Variants in CA12 observed in about 807,000 individuals in gnomAD.
The protein encoded by CA12 is carbonic anhydrase 12, also known as carbonate dehydratase XII.
CA12 carries 36 observed loss-of-function variants against 46.8 expected under a neutral mutation model. The ratio of observed to expected loss-of-function variants is 0.77; its 90% CI spans 0.59 to 1.02. The LOEUF (loss-of-function observed/expected upper bound fraction) is 1.02. CA12 is among the 50% of genes least tolerant of loss of function. The probability of loss-of-function intolerance (pLI) is 0.00; values close to 1 mark genes in which losing one functional copy is unlikely to be tolerated. For synonymous variants in CA12, 202 were observed against 187.0 expected, an observed-to-expected ratio of 1.08 and a Z score of -0.65; for missense variants, 436 against 451.4, an observed-to-expected ratio of 0.97 and a Z score of 0.31.
intron 1 of CA12, 134 bp downstream of exon 1, chr15:63,381,502 T>C (rs990350133): frequency 2.6e-6 from 2 of 765,044 alleles, no homozygotes; most frequent in Non-Finnish European, 4.4e-6. Flanking sequence ...CATCCTTTCT[T>C]GAGAATCTAC....
rs539589576 is a variant in CA12 at position 63,373,473 on chromosome 15, A to G, written c.106+2185T>C. ...GAGAGATAGGGATAGAGGACCCCGT[A>G]GAGATGTGATCTGTGTTTCTATCAT... On this transcript the variant is annotated intron_variant, in intron 2 of 10. Coordinates refer to ENST00000178638, the MANE Select transcript of CA12 (RefSeq NM_001218.5). This position sits in a 1 kb window ranked among gnomAD's most constrained non-coding sequence, Gnocchi z 4.9. Among the ~76,000 whole-genome samples the G allele has an allele frequency of 5.9e-5, 9 of 152,292 alleles. No individual in the cohort carries two copies. Among genetic ancestry groups the G allele is most frequent in the East Asian group, 5.8e-4 (3 of 5,180 alleles).
At chr15:63,362,158 C>A (rs773514238) in intron 2 of CA12, among the ~76,000 whole-genome samples, 2 of 152,116 alleles carry the variant, frequency 1.3e-5, no homozygotes, top group Non-Finnish European at 2.9e-5. Flanking sequence ...TAGCTGTGTT[C>A]CAAAGAAATT....
chr15:63,325,684 C>T lies in CA12; in HGVS notation c.*601G>A. The T allele has an allele frequency of 6.0e-6, 1 of 167,506 alleles. No homozygotes were observed. Among genetic ancestry groups the T allele is most frequent in the Non-Finnish European group, 1.3e-5 (1 of 75,904 alleles). The allele number at this position is 167,506 out of a possible 1,614,324, so 10.4% of individuals were successfully genotyped here. Reference sequence around the variant, plus strand: ...CCAGAGGACAGGACTGTGAAAGTGTCCCTAATATATCACAATGTATATCTC... The same window carrying T: ...CCAGAGGACAGGACTGTGAAAGTGTTCCTAATATATCACAATGTATATCTC... On this transcript the variant is annotated 3_prime_UTR_variant, in exon 11 of 11. Coordinates refer to ENST00000178638, the MANE Select transcript of CA12 (RefSeq NM_001218.5). The surrounding 1 kb of genome is among the most constrained non-coding windows in gnomAD (Gnocchi z 4.9).
At position 63,345,759 on chromosome 15, in the gene CA12, G is replaced by C; in HGVS notation, c.287-140C>G. Reference sequence around the variant, plus strand: ...GAGGCAGGTGGATGGAGTGAGGTGCGGAGCAGAGATGCAGCCTAAAGGTCA... The same window carrying C: ...GAGGCAGGTGGATGGAGTGAGGTGCCGAGCAGAGATGCAGCCTAAAGGTCA... On this transcript the variant is annotated intron_variant, in intron 3 of 10. Transcript: ENST00000178638. This position sits in a 1 kb window ranked among gnomAD's most constrained non-coding sequence, Gnocchi z 4.3. 8.8e-7 allele frequency: 1 copy of C among 1,131,412 alleles called. No homozygotes were observed. Among genetic ancestry groups the C allele is most frequent in the Non-Finnish European group, 1.3e-6 (1 of 780,692 alleles). The allele number at this position is 1,131,412 out of a possible 1,614,324, so 70.1% of individuals were successfully genotyped here. A position where few individuals can be genotyped will look rare whatever the true frequency, so the allele number is the denominator to read the frequency against.
At position 63,359,730 on chromosome 15, in the gene CA12, G is replaced by GA. The variant is rs944046965; in HGVS notation, c.107-13022dup. On this transcript the variant is annotated intron_variant, in intron 2 of 10. Coordinates refer to ENST00000178638, the MANE Select transcript of CA12 (RefSeq NM_001218.5). The stretch of plus-strand genomic sequence containing the variant: ...GCTATCTGGATTGAATCCTGGATCA[G>GA]AAAAAAAATGCTATCAAGGATAGTA... 5.3e-5 allele frequency among the ~76,000 whole-genome samples: 8 copies of GA among 151,860 alleles called. No homozygotes were observed. The East Asian group carries it at 1.2e-3, about 22-fold the overall frequency.
At position 63,349,456 on chromosome 15, in the gene CA12, C is replaced by T. The variant is rs143218665; in HGVS notation, c.107-2747G>A. On this transcript the variant is annotated intron_variant, in intron 2 of 10. Coordinates refer to ENST00000178638, the MANE Select transcript of CA12 (RefSeq NM_001218.5). ...CCCTGGTCCTGGCTGCCATCCACAG[C>T]GGAGTTCGTCCTTGGGCACCAGTCA... 1.1e-3 allele frequency among the ~76,000 whole-genome samples: 169 copies of T among 152,254 alleles called. 3 individuals are homozygous for T. In the South Asian group the frequency reaches 0.017, roughly 16 times the overall value.
intron 8 of CA12, 123 bp downstream of exon 8, chr15:63,338,696 G>T (rs1182309753): frequency 9.1e-6 from 12 of 1,320,628 alleles, no homozygotes; most frequent in African/African-American, 1.4e-5. Context: ...GGTTCCCGTG[G>T]CAGCCAGGGA....
rs1366993608 is a variant in CA12 at position 63,374,968 on chromosome 15, A to G, written c.106+690T>C. Among the ~76,000 whole-genome samples, 1 of 152,142 alleles carries G rather than the reference A, an allele frequency of 6.6e-6. No homozygotes were observed. Among genetic ancestry groups the G allele is most frequent in the Non-Finnish European group, 1.5e-5 (1 of 68,020 alleles). On this transcript the variant is annotated intron_variant, in intron 2 of 10. Transcript: ENST00000178638. This position sits in a 1 kb window ranked among gnomAD's most constrained non-coding sequence, Gnocchi z 4.4. ...CTCAGGTGTCTGGCCTGCCACATCC[A>G]TTCCAGCCAATGACCAATTTCTAAT... is the stretch of plus-strand genomic sequence containing the variant.
Position 63,327,084 on chromosome 15 carries a change from C to T in CA12, c.992+65G>A. On this transcript the variant is annotated intron_variant, in intron 10 of 10. Coordinates refer to ENST00000178638, the MANE Select transcript of CA12 (RefSeq NM_001218.5). The surrounding 1 kb of genome is among the most constrained non-coding windows in gnomAD (Gnocchi z 4.5). The stretch of plus-strand genomic sequence containing the variant: ...CTCTTCATGCCACAAAGCTGCCTTC[C>T]CAGGCAGACTAATCATCATGGACAC... 3.5e-6 allele frequency: 5 copies of T among 1,431,256 alleles called. No individual in the cohort carries two copies. The highest frequency in any genetic ancestry group is 3.4e-5 in the Admixed American group (2 of 59,462). 88.7% of individuals were successfully genotyped at this position (1,431,256 alleles called of 1,614,324 possible).
intron 2 of CA12, among the ~76,000 whole-genome samples, chr15:63,369,251 G>C (rs567766710): frequency 6.6e-6 from 1 of 152,348 alleles, no homozygotes; most frequent in Non-Finnish European, 1.5e-5. Context: ...ATTCAGAAAA[G>C]TGTGAAGAAG....
chr15:63,381,846 C>A lies in CA12; in HGVS notation c.-126G>T. The A allele has an allele frequency of 1.3e-5, 7 of 545,816 alleles. No individual in the cohort carries two copies. The highest frequency in any genetic ancestry group is 2.1e-5 in the Non-Finnish European group (7 of 331,876). The allele number at this position is 545,816 out of a possible 1,614,324, so 33.8% of individuals were successfully genotyped here. On this transcript the variant is annotated 5_prime_UTR_variant, in exon 1 of 11. Coordinates refer to ENST00000178638, the MANE Select transcript of CA12 (RefSeq NM_001218.5). ...TGCCGTGGCGAGTACGTCCGCCCTT[C>A]GCTCTCCTGGCTTCCCCGGGCAGCT...
At chr15:63,377,701 A>G (rs1450425271) in intron 1 of CA12, among the ~76,000 whole-genome samples, 1 of 152,208 alleles carries the variant, frequency 6.6e-6, no homozygotes, top group Non-Finnish European at 1.5e-5. Context: ...TGCTCCCTAG[A>G]GCAACCACTT....
rs1456915534 is a variant in CA12, at chr15:63,329,893, T to C, written c.875-1763A>G. On this transcript the variant is annotated intron_variant, in intron 8 of 10. Coordinates refer to ENST00000178638, the MANE Select transcript of CA12 (RefSeq NM_001218.5). This position sits in a 1 kb window ranked among gnomAD's most constrained non-coding sequence, Gnocchi z 4.8. The stretch of plus-strand genomic sequence containing the variant: ...CCAGGAGCCATCAGCCGTGTGCTTT[T>C]CCGATTGTCTTTTTCTGCAATCTCA... Among the ~76,000 whole-genome samples, 1 of 152,220 alleles carries C rather than the reference T, an allele frequency of 6.6e-6. No homozygotes were observed. The highest frequency in any genetic ancestry group is 1.5e-5 in the Non-Finnish European group (1 of 68,034).
Position 63,365,297 on chromosome 15 carries a change from CA to C in CA12, c.106+10360del, listed in dbSNP as rs1377532428. Among the ~76,000 whole-genome samples, 3 of 152,248 alleles carry C rather than the reference CA, an allele frequency of 2.0e-5. No homozygotes were observed. In the East Asian group the frequency reaches 5.8e-4, roughly 29 times the overall value. On this transcript the variant is annotated intron_variant, in intron 2 of 10. Coordinates refer to ENST00000178638, the MANE Select transcript of CA12 (RefSeq NM_001218.5). ...TGGCAAATCTACACTATTTACTCTT[CA>C]AAAAAAATCCCTGCATTTCCTCAAC...
chr15:63,327,057 G>T lies in CA12; in HGVS notation c.992+92C>A. The T allele has an allele frequency of 8.7e-7, 1 of 1,147,748 alleles. No homozygotes were observed. The highest frequency in any genetic ancestry group is 1.3e-6 in the Non-Finnish European group (1 of 765,260). 71.1% of individuals were successfully genotyped at this position (1,147,748 alleles called of 1,614,324 possible). The stretch of plus-strand genomic sequence containing the variant: ...GGTAAGTGGTGGTCCAGGTGACTGC[G>T]GCTCTTCATGCCACAAAGCTGCCTT... On this transcript the variant is annotated intron_variant, in intron 10 of 10. Transcript: ENST00000178638. This position sits in a 1 kb window ranked among gnomAD's most constrained non-coding sequence, Gnocchi z 4.5.
intron 2 of CA12, among the ~76,000 whole-genome samples, chr15:63,364,762 A>C (rs548978470): frequency 6.6e-6 from 1 of 152,178 alleles, no homozygotes; most frequent in Admixed American, 6.5e-5. Context: ...CCCTCTTCCA[A>C]TGTGGTCCTG....
chr15:63,361,629 C>A (rs1412620117), intron 2 of CA12, among the ~76,000 whole-genome samples: 1 of 152,098 alleles, frequency 6.6e-6, no homozygotes, highest in Non-Finnish European at 1.5e-5. Flanking sequence ...CCCTCAGGGC[C>A]GTGAGGAAAG....
rs1043846920 is a variant in CA12 at position 63,372,214 on chromosome 15, G to A, written c.106+3444C>T. 2.0e-5 allele frequency among the ~76,000 whole-genome samples: 3 copies of A among 152,168 alleles called. No homozygotes were observed. The highest frequency in any genetic ancestry group is 7.2e-5 in the African/African-American group (3 of 41,422). ...TCAGTTCACAGCAAGTGAAGCTGCCGGGCTCAGCGGGATTGATGCGGGACT... is the reference window on the plus strand; with the variant it reads ...TCAGTTCACAGCAAGTGAAGCTGCCAGGCTCAGCGGGATTGATGCGGGACT... On this transcript the variant is annotated intron_variant, in intron 2 of 10. Coordinates refer to ENST00000178638, the MANE Select transcript of CA12 (RefSeq NM_001218.5). The surrounding 1 kb of genome is among the most constrained non-coding windows in gnomAD (Gnocchi z 4.5).
chr15:63,343,279 C>CTTTTT (rs35290345), intron 4 of CA12, among the ~76,000 whole-genome samples: 36,624 of 97,896 alleles, frequency 0.37, 8,592 homozygotes, highest in Non-Finnish European at 0.51. Flanking sequence ...TAGAAAGAAT[C>CTTTTT]TTTTTTTTTT....
Sources: gnomAD v4.1 joint callset for allele counts (sites outside exome capture counted in the v4.1 genomes callset) on GRCh38, gnomAD v4.1.1 for gene constraint, Gnocchi (gnomAD v3.1) non-coding constraint, MANE v1.5 for transcripts, NCBI Gene and HGNC (gene_info 2026-07-23, HGNC 2026-07-21) for gene names.